LRRFIP2: variants seen among roughly 807,000 people sequenced by gnomAD.
LRRFIP2 encodes the protein leucine-rich repeat flightless-interacting protein 2.
A neutral mutation model predicts 125.9 loss-of-function variants in LRRFIP2; 109 were observed. The ratio of observed to expected loss-of-function variants is 0.87; its 90% CI spans 0.74 to 1.01. LRRFIP2 has a LOEUF of 1.01. LRRFIP2 is among the 50% of genes least tolerant of loss of function. The pLI, the probability that LRRFIP2 is intolerant of heterozygous loss-of-function variation, is 0.00. For missense variants in LRRFIP2, 850 were observed against 862.3 expected (o/e 0.99, Z 0.18); for synonymous variants, 291 against 293.1 (o/e 0.99, Z 0.07).
In LRRFIP2 at chr3:37,061,207, G is replaced by A. The variant is rs575473056; in HGVS notation, c.1750-2297C>T. Among the ~76,000 whole-genome samples the A allele has an allele frequency of 3.3e-5, 5 of 152,104 alleles. No homozygotes were observed. The East Asian group carries it at 5.8e-4, about 18-fold the overall frequency. ...AAGTTTCCTGAGGCTGGCTGGGCGC[G>A]GTGGCTCATGCCTGTAATCCCAGCA... On this transcript the variant is annotated intron_variant, in intron 24 of 27. Coordinates refer to ENST00000336686, the MANE Select transcript of LRRFIP2 (RefSeq NM_006309.4).
intron 2 of LRRFIP2, among the ~76,000 whole-genome samples, chr3:37,142,922 A>C (rs1186717527): frequency 6.6e-6 from 1 of 152,194 alleles, no homozygotes; most frequent in Non-Finnish European, 1.5e-5. Context: ...TGTAATCCCC[A>C]GTGTTGGAGG....
At chr3:37,110,586 G>T (rs1487563090) in intron 9 of LRRFIP2, among the ~76,000 whole-genome samples, 1 of 152,086 alleles carries the variant, frequency 6.6e-6, no homozygotes, top group Non-Finnish European at 1.5e-5. Context: ...TACCCACTCT[G>T]AAGTATATGG....
At chr3:37,158,579 C>G (rs1240266649) in intron 1 of LRRFIP2, among the ~76,000 whole-genome samples, 1 of 150,498 alleles carries the variant, frequency 6.6e-6, no homozygotes, top group Non-Finnish European at 1.5e-5. Context: ...TGCACTCCAG[C>G]CTGGGTAACA....
At chr3:37,135,372 T>C (rs2095532519) in intron 2 of LRRFIP2, among the ~76,000 whole-genome samples, 1 of 150,776 alleles carries the variant, frequency 6.6e-6, no homozygotes, top group African/African-American at 2.4e-5. Flanking sequence ...GGCAGGGGAA[T>C]CGCTTCACCC....
chr3:37,098,046 C>G (rs1230212228), intron 15 of LRRFIP2, among the ~76,000 whole-genome samples: 1 of 152,148 alleles, frequency 6.6e-6, no homozygotes, highest in African/African-American at 2.4e-5. Flanking sequence ...TTCACCCTAA[C>G]TTCCACATAT....
intron 1 of LRRFIP2, among the ~76,000 whole-genome samples, chr3:37,172,103 A>G (rs1375252744): frequency 6.6e-6 from 1 of 152,220 alleles, no homozygotes; most frequent in African/African-American, 2.4e-5. Flanking sequence ...TATTATAAAT[A>G]AAGCCAACAT....
chr3:37,118,275 C>G (rs1228398519), intron 6 of LRRFIP2, among the ~76,000 whole-genome samples: 2 of 152,112 alleles, frequency 1.3e-5, no homozygotes, highest in African/African-American at 4.8e-5. Context: ...CACTACTTTG[C>G]CCAGGCTGAT....
At position 37,096,646 on chromosome 3, in the gene LRRFIP2, A is replaced by G; in HGVS notation, c.888T>C (p.Ser296=). The G allele has an allele frequency of 6.4e-7, 1 of 1,571,414 alleles. No homozygotes were observed. Among genetic ancestry groups the G allele is most frequent in the Non-Finnish European group, 8.7e-7 (1 of 1,150,148 alleles). Reference sequence around the variant, plus strand: ...TATAATTTTCAGCATACTGTTTGTCAGATTTTTCATCCAACTAGAAAAGAA... The same window carrying G: ...TATAATTTTCAGCATACTGTTTGTCGGATTTTTCATCCAACTAGAAAAGAA... ...IPDLSSLDEK[S]DKQYAENYTR... The change falls in exon 16 of 28, where the codon TCT becomes TCC. Residue 296 remains serine, a synonymous_variant. Transcript: ENST00000336686.
At chr3:37,150,308 C>T (rs1413717412) in intron 1 of LRRFIP2, among the ~76,000 whole-genome samples, 1 of 151,888 alleles carries the variant, frequency 6.6e-6, no homozygotes, top group Non-Finnish European at 1.5e-5. Context: ...ACTAAAAATA[C>T]AAAATTAGCA....
Position 37,066,296 on chromosome 3 carries a change from G to T in LRRFIP2, c.1494C>A (p.Ala498=). 6.2e-7 allele frequency: 1 copy of T among 1,614,132 alleles called. No individual in the cohort carries two copies. Among genetic ancestry groups the T allele is most frequent in the Non-Finnish European group, 8.5e-7 (1 of 1,179,978 alleles). ...GALEKQKEYI[A]CLRNERDMLR... Reference sequence around the variant, plus strand: ...GCATATCTCGCTCATTCCTAAGGCAGGCAATGTATTCTTTCTGTTTCTCTA... The same window carrying T: ...GCATATCTCGCTCATTCCTAAGGCATGCAATGTATTCTTTCTGTTTCTCTA... Residue 498 remains alanine, a synonymous_variant, in exon 22 of 28, where the codon GCC becomes GCA. Coordinates refer to ENST00000336686, the MANE Select transcript of LRRFIP2 (RefSeq NM_006309.4).
chr3:37,055,065 G>A, intron 26 of LRRFIP2, 21 bp downstream of exon 26: 1 of 1,505,778 alleles, frequency 6.6e-7, no homozygotes, highest in Non-Finnish European at 9.1e-7. Flanking sequence ...AAATAACTTA[G>A]TACCATATAG....
intron 17 of LRRFIP2, among the ~76,000 whole-genome samples, chr3:37,094,463 A>C (rs2093625185): frequency 6.6e-6 from 1 of 152,180 alleles, no homozygotes; most frequent in Non-Finnish European, 1.5e-5. Flanking sequence ...TTCTTTGTAC[A>C]CTCACATATT....
intron 18 of LRRFIP2, among the ~76,000 whole-genome samples, chr3:37,088,685 C>T (rs1256754795): frequency 6.6e-6 from 1 of 151,818 alleles, no homozygotes; most frequent in Non-Finnish European, 1.5e-5. Context: ...GGTGGTGCAC[C>T]CCTATAGTCC....
chr3:37,127,061 T>A (rs1435402699), intron 4 of LRRFIP2, among the ~76,000 whole-genome samples: 1 of 152,150 alleles, frequency 6.6e-6, no homozygotes, highest in African/African-American at 2.4e-5. Flanking sequence ...AGCCTAGTCA[T>A]ATACCAAGTT....
At chr3:37,063,710 A>G (rs973675096) in intron 24 of LRRFIP2, 32 bp downstream of exon 24, 25 of 1,551,224 alleles carry the variant, frequency 1.6e-5, no homozygotes, top group South Asian at 8.0e-5. Context: ...CTTTGTTAAA[A>G]TTATATTACA....
chr3:37,099,110 T>C (rs553384420), intron 15 of LRRFIP2, among the ~76,000 whole-genome samples: 39 of 152,334 alleles, frequency 2.6e-4, no homozygotes, highest in East Asian at 9.6e-4. Flanking sequence ...AAACTGATCA[T>C]GCACCAAACC....
chr3:37,108,320 G>A (rs1235814093), intron 12 of LRRFIP2, among the ~76,000 whole-genome samples, 191 bp from the exon 13 acceptor site: 1 of 152,186 alleles, frequency 6.6e-6, no homozygotes, highest in East Asian at 1.9e-4. Context: ...GGAGCGAAGA[G>A]GAAGGGGATG....
chr3:37,088,447 T>C (rs1236704071), intron 18 of LRRFIP2, among the ~76,000 whole-genome samples: 3 of 140,676 alleles, frequency 2.1e-5, no homozygotes, highest in Admixed American at 7.1e-5. Flanking sequence ...GAGGCAGAGG[T>C]GGGAGGATTG....
intron 19 of LRRFIP2, among the ~76,000 whole-genome samples, chr3:37,082,776 G>C (rs115471994): frequency 0.017 from 2,614 of 152,174 alleles, 80 homozygotes; most frequent in African/African-American, 0.059. Flanking sequence ...GGCATTTCTA[G>C]TCCTCAAGGA....
Sources: allele counts gnomAD v4.1 joint callset (sites outside exome capture counted in the v4.1 genomes callset), GRCh38; gene constraint gnomAD v4.1.1; transcripts MANE v1.5; gene names NCBI Gene and HGNC (gene_info 2026-07-23, HGNC 2026-07-21).